Variants in TMA16 observed in about 807,000 individuals in gnomAD.
TMA16 encodes translation machinery associated 16 homolog, also known as translation machinery-associated protein 16.
TMA16 carries 26 observed loss-of-function variants against 27.1 expected under a neutral mutation model. That is an observed-to-expected ratio of 0.96 (90% confidence interval 0.70 to 1.33). The LOEUF (loss-of-function observed/expected upper bound fraction) is 1.33. Among genes scored for constraint, TMA16 ranks in the 40% most tolerant of loss-of-function variants. The pLI, the probability that TMA16 is intolerant of heterozygous loss-of-function variation, is 0.00. For missense variants in TMA16, 233 were observed against 241.4 expected (o/e 0.97, Z 0.23); for synonymous variants, 71 against 81.9 (o/e 0.87, Z 0.72).
At chr4:163,510,043 A>G (rs549711566) in intron 2 of TMA16, among the ~76,000 whole-genome samples, 1 of 152,246 alleles carries the variant, frequency 6.6e-6, no homozygotes, top group South Asian at 2.1e-4. Flanking sequence ...TAATTCTCAC[A>G]TCTCTCTACT....
At chr4:163,517,971 GTT>G (rs10718981) in intron 6 of TMA16, among the ~76,000 whole-genome samples, 45 of 147,658 alleles carry the variant, frequency 3.0e-4, no homozygotes, top group Admixed American at 1.5e-3. Context: ...GATTTTTTAG[GTT>G]TTTTTTTTTT....
chr4:163,495,567 A>AT (rs1035920244), intron 1 of TMA16, among the ~76,000 whole-genome samples: 1 of 152,060 alleles, frequency 6.6e-6, no homozygotes, highest in Non-Finnish European at 1.5e-5. Context: ...TTTCTTGCCT[A>AT]TTTTTTACGT....
At chr4:163,496,009 A>G (rs994700164) in intron 1 of TMA16, among the ~76,000 whole-genome samples, 2 of 152,240 alleles carry the variant, frequency 1.3e-5, no homozygotes, top group Admixed American at 6.5e-5. Flanking sequence ...ATTTGACTGT[A>G]GTTGTCCTTG....
intron 2 of TMA16, among the ~76,000 whole-genome samples, chr4:163,509,788 G>A (rs1351343585): frequency 6.6e-6 from 1 of 152,162 alleles, no homozygotes; most frequent in Non-Finnish European, 1.5e-5. Context: ...AGCAGCAAGT[G>A]GCTCTTTGAT....
At chr4:163,511,458 T>G (rs968534732) in intron 2 of TMA16, among the ~76,000 whole-genome samples, 16 of 152,120 alleles carry the variant, frequency 1.1e-4, no homozygotes, top group Non-Finnish European at 7.4e-5. Context: ...TAGATACAAG[T>G]CCTTTGTTAT....
chr4:163,517,768 T>G (rs1489168559), intron 6 of TMA16, among the ~76,000 whole-genome samples: 2 of 152,108 alleles, frequency 1.3e-5, no homozygotes, highest in Admixed American at 6.5e-5. Flanking sequence ...TTTATTTTTT[T>G]AAAAAAGAAG....
intron 4 of TMA16, among the ~76,000 whole-genome samples, 160 bp downstream of exon 4, chr4:163,514,318 CT>C (rs1433582632): frequency 6.6e-6 from 1 of 152,066 alleles, no homozygotes; most frequent in Non-Finnish European, 1.5e-5. Context: ...GGTTTGTAAC[CT>C]ATTTGGGTCT....
chr4:163,519,664 A>T lies in TMA16; in HGVS notation c.*150A>T, dbSNP rs1054256420. 1.3e-6 allele frequency: 1 copy of T among 754,208 alleles called. No individual in the cohort carries two copies. The highest frequency in any genetic ancestry group is 1.9e-5 in the African/African-American group (1 of 53,610). The allele number at this position is 754,208 out of a possible 1,614,324, so 46.7% of individuals were successfully genotyped here. On this transcript the variant is annotated 3_prime_UTR_variant, in exon 7 of 7. Coordinates refer to ENST00000358572, the MANE Select transcript of TMA16 (RefSeq NM_018352.3). ...TTTGCGTTTCAAAAATGGTGTTATG[A>T]TACTTATTTTAAAATGAAGATTGCT...
intron 6 of TMA16, 80 bp from the exon 7 acceptor site, chr4:163,519,254 C>A: frequency 7.4e-7 from 1 of 1,348,934 alleles, no homozygotes; most frequent in East Asian, 2.7e-5. Context: ...CTCAGAGTTT[C>A]GAAAATTTAC....
intron 2 of TMA16, chr4:163,512,373 A>G (rs1737812018): frequency 6.5e-6 from 1 of 152,894 alleles, no homozygotes; most frequent in Admixed American, 6.5e-5. Context: ...TGTTTGTTAT[A>G]ATTCTTTTCA....
rs116880396 is a variant in TMA16 at position 163,510,867 on chromosome 4, A to G, written c.117-1955A>G. On this transcript the variant is annotated intron_variant, in intron 2 of 6. Transcript: ENST00000358572. ...AAGCCTAAAATGTGACTACTTGACC[A>G]TTGAAGAAAATATTGTCAACCTCTG... Among the ~76,000 whole-genome samples, 240 of 152,360 alleles carry G rather than the reference A, an allele frequency of 1.6e-3. 4 individuals are homozygous for G. In the East Asian group the frequency reaches 0.042, roughly 27 times the overall value.
At chr4:163,501,009 CA>C (rs1403471086) in intron 1 of TMA16, among the ~76,000 whole-genome samples, 2 of 152,152 alleles carry the variant, frequency 1.3e-5, no homozygotes, top group African/African-American at 4.8e-5. Context: ...AAGTTTTATT[CA>C]GTCAGAAGGA....
chr4:163,502,819 AGT>A lies in TMA16; in HGVS notation c.4-4211_4-4210del, dbSNP rs145420387. Among the ~76,000 whole-genome samples, 60 of 152,266 alleles carry A rather than the reference AGT, an allele frequency of 3.9e-4. 2 individuals carry two copies. In the East Asian group the frequency reaches 0.011, roughly 28 times the overall value. On this transcript the variant is annotated intron_variant, in intron 1 of 6. Transcript: ENST00000358572. The stretch of plus-strand genomic sequence containing the variant: ...TGCAGTGAAGATTCACTGCAAAAAA[AGT>A]GTAGATTTGCTTAGTCCATCATTTC...
chr4:163,505,416 G>A (rs946077349), intron 1 of TMA16, among the ~76,000 whole-genome samples: 19 of 152,306 alleles, frequency 1.2e-4, no homozygotes, highest in African/African-American at 3.8e-4. Flanking sequence ...AGCGAGCAGA[G>A]CGCTCAATGA....
intron 1 of TMA16, among the ~76,000 whole-genome samples, chr4:163,506,544 TA>T (rs1433705354): frequency 6.6e-6 from 1 of 152,202 alleles, no homozygotes; most frequent in Non-Finnish European, 1.5e-5. Context: ...TGGCTTCTAT[TA>T]TTTTCTCTAT....
At chr4:163,503,625 T>G (rs1737678933) in intron 1 of TMA16, among the ~76,000 whole-genome samples, 1 of 152,224 alleles carries the variant, frequency 6.6e-6, no homozygotes, top group Admixed American at 6.5e-5. Flanking sequence ...CAGACTGAAT[T>G]TTTTGAATTA....
chr4:163,503,088 A>G (rs1228231065), intron 1 of TMA16, among the ~76,000 whole-genome samples: 1 of 152,220 alleles, frequency 6.6e-6, no homozygotes, highest in Non-Finnish European at 1.5e-5. Flanking sequence ...TTTAAAGCCT[A>G]GGAGCAATAG....
intron 1 of TMA16, among the ~76,000 whole-genome samples, chr4:163,497,555 T>G (rs1737576938): frequency 6.6e-6 from 1 of 152,110 alleles, no homozygotes; most frequent in Non-Finnish European, 1.5e-5. Context: ...TCTAATGAAT[T>G]TTTCTGTTTC....
At chr4:163,512,760 G>A in intron 2 of TMA16, 62 bp from the exon 3 acceptor site, 1 of 1,294,146 alleles carries the variant, frequency 7.7e-7, no homozygotes, top group Admixed American at 1.9e-5. Flanking sequence ...CGTTGTTATT[G>A]TCAGAGTTTT....
Sources: allele counts gnomAD v4.1 joint callset (sites outside exome capture counted in the v4.1 genomes callset), GRCh38; gene constraint gnomAD v4.1.1; transcripts MANE v1.5; gene names NCBI Gene and HGNC (gene_info 2026-07-23, HGNC 2026-07-21).